The following ADAM28 variants were observed in gnomAD, a reference collection of about 807,000 sequenced individuals.
ADAM28 encodes ADAM metallopeptidase domain 28.
A neutral mutation model predicts 101.2 loss-of-function variants in ADAM28; 105 were observed. The ratio of observed to expected loss-of-function variants is 1.04; its 90% CI spans 0.89 to 1.22. The LOEUF is 1.22. ADAM28 is among the 50% of genes most tolerant of loss of function. The pLI is 0.00. For synonymous variants in ADAM28, 322 were observed against 310.6 expected (o/e 1.04, Z -0.39); for missense variants, 1,028 against 945.4 (o/e 1.09, Z -1.15).
In ADAM28 at chr8:24,326,622, T is replaced by C. The variant is rs779692496; in HGVS notation, c.959T>C (p.Val320Ala). The change falls in exon 10 of 23, where the codon GTT becomes GCT. Residue 320 changes from valine (V) to alanine (A), a missense_variant. Val to Ala is a moderately conservative substitution (Grantham distance 64). Coordinates refer to ENST00000265769, the MANE Select transcript of ADAM28 (RefSeq NM_014265.6). ...FMSTMCSPYS[V>A]GVVQDHSDNL... is the part of the protein sequence containing the mutation. Reference sequence around the variant, plus strand: ...TCTACAATGTGTTCTCCTTATTCTGTTGGCGTTGTTCAGGTCTGTATGATG... The same window carrying C: ...TCTACAATGTGTTCTCCTTATTCTGCTGGCGTTGTTCAGGTCTGTATGATG... 6 of 1,611,812 alleles carry C rather than the reference T, an allele frequency of 3.7e-6. No homozygotes were observed. The highest frequency in any genetic ancestry group is 1.6e-4 in the Middle Eastern group (1 of 6,062).
chr8:24,311,477 G>A (rs774658237), intron 5 of ADAM28, 40 bp downstream of exon 5: 1 of 1,544,866 alleles, frequency 6.5e-7, no homozygotes, highest in Non-Finnish European at 8.9e-7. Context: ...CTGTGATTGT[G>A]GTATTTATGT....
chr8:24,341,365 A>G (rs1814737589), intron 15 of ADAM28: 1 of 392,320 alleles, frequency 2.5e-6, no homozygotes, highest in Non-Finnish European at 4.5e-6. Flanking sequence ...CACTTCGGCA[A>G]CTGGCAAAAA....
chr8:24,320,686 T>G (rs149528549), intron 7 of ADAM28, among the ~76,000 whole-genome samples: 290 of 152,160 alleles, frequency 1.9e-3, no homozygotes, highest in African/African-American at 6.4e-3. Flanking sequence ...TTGGTCACAA[T>G]GAAAGCTTAG....
intron 16 of ADAM28, 137 bp from the exon 17 acceptor site, chr8:24,342,962 GTC>G (rs1563321000): frequency 6.9e-6 from 10 of 1,446,016 alleles, no homozygotes; most frequent in African/African-American, 1.4e-5. Context: ...AACAGAGCCC[GTC>G]TCTGTTTCCC....
At chr8:24,322,073 A>G (rs28576829) in intron 8 of ADAM28, among the ~76,000 whole-genome samples, 6,149 of 152,074 alleles carry the variant, frequency 0.04, 442 homozygotes, top group African/African-American at 0.14. Context: ...ATGCATATAC[A>G]TAGTGAAGTG....
At chr8:24,323,105 A>T (rs565265197) in intron 8 of ADAM28, among the ~76,000 whole-genome samples, 10 of 152,040 alleles carry the variant, frequency 6.6e-5, no homozygotes, top group African/African-American at 2.4e-4. Flanking sequence ...AAGTTCCATC[A>T]AGATTTGGTT....
intron 8 of ADAM28, among the ~76,000 whole-genome samples, chr8:24,322,441 A>T (rs1366134026): frequency 2.0e-5 from 3 of 151,994 alleles, no homozygotes; most frequent in African/African-American, 7.2e-5. Flanking sequence ...AAATGTTAGA[A>T]TTACTAAGAA....
intron 2 of ADAM28, among the ~76,000 whole-genome samples, chr8:24,309,531 T>C (rs960139635): frequency 3.3e-5 from 5 of 152,198 alleles, no homozygotes; most frequent in Non-Finnish European, 7.3e-5. Flanking sequence ...ACTCACCTCA[T>C]TGTCTGTCTT....
At chr8:24,337,003 A>C (rs1814177036) in intron 14 of ADAM28, among the ~76,000 whole-genome samples, 1 of 152,210 alleles carries the variant, frequency 6.6e-6, no homozygotes, top group Non-Finnish European at 1.5e-5. Context: ...AACAGAGCTA[A>C]AACAAGATTG....
rs925485394 is a variant in ADAM28, at chr8:24,357,057, A to G, written c.*2653A>G. On this transcript the variant is annotated 3_prime_UTR_variant, in exon 23 of 23. Transcript: ENST00000265769. ...TGGCCTCTGGCTAGCAGCCATTAAG[A>G]AAATGAGCCCCTGAGTTCAACGACC... is the stretch of plus-strand genomic sequence containing the variant. 5.9e-5 allele frequency: 9 copies of G among 152,194 alleles called. No individual in the cohort carries two copies. The highest frequency in any genetic ancestry group is 2.2e-4 in the African/African-American group (9 of 41,464). The allele number at this position is 152,194 out of a possible 1,614,324, so 9.4% of individuals were successfully genotyped here. A position where few individuals can be genotyped will look rare whatever the true frequency, so the allele number is the denominator to read the frequency against.
At chr8:24,340,898 G>T (rs966440990) in intron 15 of ADAM28, 21 of 152,060 alleles carry the variant, frequency 1.4e-4, no homozygotes, top group African/African-American at 4.6e-4. Context: ...TTGTCTTTTA[G>T]TCCTGTTGGC....
intron 9 of ADAM28, among the ~76,000 whole-genome samples, chr8:24,324,744 C>T (rs1210897087): frequency 1.3e-5 from 2 of 151,990 alleles, no homozygotes; most frequent in Non-Finnish European, 2.9e-5. Context: ...CTGGCTGGAA[C>T]AGTGAGTCTG....
At chr8:24,301,072 A>G (rs1221389142) in intron 2 of ADAM28, 1 of 152,260 alleles carries the variant, frequency 6.6e-6, no homozygotes, top group Non-Finnish European at 1.5e-5. Flanking sequence ...TCTGGGAGCC[A>G]GCAAGATACA....
chr8:24,347,191 TTACTC>T (rs1815502341), intron 18 of ADAM28, among the ~76,000 whole-genome samples: 1 of 152,104 alleles, frequency 6.6e-6, no homozygotes, highest in African/African-American at 2.4e-5. Context: ...GTTTTCCCCT[TTACTC>T]TATTAGTACT....
At position 24,327,425 on chromosome 8, in the gene ADAM28, G is replaced by A. The variant is rs567760068; in HGVS notation, c.972+790G>A. 1.5e-4 allele frequency among the ~76,000 whole-genome samples: 23 copies of A among 152,176 alleles called. No homozygotes were observed. The South Asian group carries it at 4.4e-3, about 29-fold the overall frequency. On this transcript the variant is annotated intron_variant, in intron 10 of 22. Coordinates refer to ENST00000265769, the MANE Select transcript of ADAM28 (RefSeq NM_014265.6). ...AAATGGAAAAATATTCCATGCTCAT[G>A]GATAGGAAGAATCAATATCATGGAA...
intron 6 of ADAM28, 31 bp downstream of exon 6, chr8:24,313,611 C>G (rs367696254): frequency 2.7e-4 from 426 of 1,598,648 alleles, no homozygotes; most frequent in Non-Finnish European, 3.2e-4. Flanking sequence ...TTGAAATGCT[C>G]TCATGTATTC....
At chr8:24,294,795 A>G (rs920477398) in intron 1 of ADAM28, among the ~76,000 whole-genome samples, 1 of 152,200 alleles carries the variant, frequency 6.6e-6, no homozygotes, top group African/African-American at 2.4e-5. Context: ...TGCTGATTAT[A>G]CCAAACATTT....
chr8:24,333,129 G>A (rs1217356654), intron 13 of ADAM28, among the ~76,000 whole-genome samples: 2 of 152,230 alleles, frequency 1.3e-5, no homozygotes, highest in East Asian at 1.9e-4. Flanking sequence ...TTGAATACAC[G>A]CAAACAGAGT....
chr8:24,294,470 C>A (rs1807695499), intron 1 of ADAM28, among the ~76,000 whole-genome samples: 1 of 152,036 alleles, frequency 6.6e-6, no homozygotes, highest in Non-Finnish European at 1.5e-5. Flanking sequence ...TCATACAGCA[C>A]AATTTAAATC....
Sources: allele counts gnomAD v4.1 joint callset (sites outside exome capture counted in the v4.1 genomes callset), GRCh38; gene constraint gnomAD v4.1.1; transcripts MANE v1.5; gene names NCBI Gene and HGNC (gene_info 2026-07-23, HGNC 2026-07-21).